Variants in SLC36A1 observed in about 807,000 individuals in gnomAD.
SLC36A1 encodes proton-coupled amino acid transporter 1.
Under a neutral mutation model 47.5 loss-of-function variants are expected in SLC36A1, and 30 were observed. The ratio of observed to expected loss-of-function variants is 0.63; its 90% CI spans 0.47 to 0.86. The LOEUF (loss-of-function observed/expected upper bound fraction) is 0.86. Among genes scored for constraint, SLC36A1 ranks in the 40% least tolerant of loss-of-function variants. The pLI, the probability that SLC36A1 is intolerant of heterozygous loss-of-function variation, is 0.00. For synonymous variants in SLC36A1, 255 were observed against 249.7 expected (o/e 1.02, Z -0.20); for missense variants, 517 against 606.0 (o/e 0.85, Z 1.54).
At chr5:151,513,497 G>GAAAT in the SLC36A1 span, among the ~76,000 whole-genome samples, 4 of 152,152 alleles carry the variant, frequency 2.6e-5, no homozygotes, top group African/African-American at 9.7e-5. Context: ...ACAGGAACAG[G>GAAAT]AAATCAAATA....
At chr5:151,431,481 T>C in the SLC36A1 span, 5 of 152,216 alleles carry the variant, frequency 3.3e-5, no homozygotes, top group African/African-American at 1.2e-4. Context: ...GGAGCAGCCA[T>C]GGTGATATGG....
At chr5:151,487,871 T>C in intron 10 of SLC36A1, 112 bp from the exon 11 acceptor site, 3 of 1,301,506 alleles carry the variant, frequency 2.3e-6, no homozygotes, top group Non-Finnish European at 3.2e-6. Context: ...CTAAGTTTTC[T>C]TAGAGCTCTC....
At chr5:151,506,374 G>A in the SLC36A1 span, among the ~76,000 whole-genome samples, 2 of 152,210 alleles carry the variant, frequency 1.3e-5, no homozygotes, top group African/African-American at 4.8e-5. Context: ...ATGTCTCCAT[G>A]CAACCCACCC....
chr5:151,469,261 T>G (rs1350474150), intron 7 of SLC36A1: 1 of 701,434 alleles, frequency 1.4e-6, no homozygotes, highest in Non-Finnish European at 2.6e-6. Flanking sequence ...GTGAATGGAT[T>G]TACAGCCCAT....
chr5:151,485,242 C>T lies in SLC36A1; in HGVS notation c.1160-2741C>T, dbSNP rs528007169. Among the ~76,000 whole-genome samples the T allele has an allele frequency of 5.3e-5, 8 of 152,178 alleles. No homozygotes were observed. The East Asian group carries it at 1.4e-3, about 26-fold the overall frequency. On this transcript the variant is annotated intron_variant, in intron 10 of 10. Coordinates refer to ENST00000243389, the MANE Select transcript of SLC36A1 (RefSeq NM_078483.4). ...TGCACACTTCTCAAAGCCTTGAGAT[C>T]GGTGAAGATGTTAATGAGAATTGCC...
the SLC36A1 span, among the ~76,000 whole-genome samples, chr5:151,508,225 A>G: frequency 6.6e-6 from 1 of 152,226 alleles, no homozygotes; most frequent in Non-Finnish European, 1.5e-5. Context: ...ATTTGAGTCC[A>G]AAACATTTCT....
At chr5:151,472,543 A>G (rs1485261040) in intron 7 of SLC36A1, among the ~76,000 whole-genome samples, 1 of 152,214 alleles carries the variant, frequency 6.6e-6, no homozygotes, top group African/African-American at 2.4e-5. Flanking sequence ...CCTGCAGTTA[A>G]CAGTTGCCCT....
chr5:151,505,406 G>A, the SLC36A1 span: 16 of 830,336 alleles, frequency 1.9e-5, no homozygotes, highest in East Asian at 2.7e-5. Flanking sequence ...CAGGGACTAG[G>A]TGGGGGATTG....
At chr5:151,469,454 G>A (rs987605483) in intron 7 of SLC36A1, among the ~76,000 whole-genome samples, 12 of 152,162 alleles carry the variant, frequency 7.9e-5, no homozygotes, top group African/African-American at 1.2e-4. Flanking sequence ...TCACAGCAAG[G>A]AGATTTGCTG....
chr5:151,479,708 T>G, intron 10 of SLC36A1: 1 of 565,968 alleles, frequency 1.8e-6, no homozygotes, highest in East Asian at 2.8e-5. Flanking sequence ...AGGACAGTGG[T>G]TTATGTATAG....
chr5:151,428,476 G>A, the SLC36A1 span, among the ~76,000 whole-genome samples: 2 of 151,358 alleles, frequency 1.3e-5, no homozygotes, highest in African/African-American at 4.9e-5. Context: ...GTGAGCTCTA[G>A]GTGTCACAGT....
chr5:151,460,606 A>T (rs1183785883), intron 2 of SLC36A1, among the ~76,000 whole-genome samples: 2 of 152,058 alleles, frequency 1.3e-5, no homozygotes, highest in African/African-American at 4.8e-5. Flanking sequence ...GTGGTACAAG[A>T]TAAAGTAATT....
chr5:151,535,636 C>T, the SLC36A1 span, among the ~76,000 whole-genome samples: 3 of 152,110 alleles, frequency 2.0e-5, no homozygotes, highest in South Asian at 4.1e-4. Flanking sequence ...GTGAGCTGTC[C>T]CAACAAATTA....
At chr5:151,522,268 A>G in the SLC36A1 span, 2 of 558,310 alleles carry the variant, frequency 3.6e-6, no homozygotes, top group African/African-American at 3.7e-5. Context: ...CAGAAAAGAA[A>G]GATTTTCTGA....
chr5:151,506,886 C>T, the SLC36A1 span, among the ~76,000 whole-genome samples: 1 of 152,198 alleles, frequency 6.6e-6, no homozygotes, highest in Non-Finnish European at 1.5e-5. Flanking sequence ...TTCTACCCAA[C>T]CCTATCCAGG....
chr5:151,543,377 G>C, the SLC36A1 span: 1 of 1,614,144 alleles, frequency 6.2e-7, no homozygotes, highest in South Asian at 1.1e-5. Context: ...GCTTTGAACT[G>C]TGGGGGGTTG....
chr5:151,551,662 C>T, the SLC36A1 span: 1 of 1,592,376 alleles, frequency 6.3e-7, no homozygotes, highest in South Asian at 1.1e-5. Flanking sequence ...GGCAGCATAG[C>T]ATAAGATAGG....
At chr5:151,511,926 C>T in the SLC36A1 span, 1 of 551,388 alleles carries the variant, frequency 1.8e-6, no homozygotes, top group Non-Finnish European at 3.2e-6. Flanking sequence ...CTGAGGTCCC[C>T]ATTCATATCC....
At chr5:151,509,475 A>G in the SLC36A1 span, 1 of 153,322 alleles carries the variant, frequency 6.5e-6, no homozygotes. Flanking sequence ...ATGGGTGAGC[A>G]AGCATTACCA....
Sources: allele counts gnomAD v4.1 joint callset (sites outside exome capture counted in the v4.1 genomes callset), GRCh38; gene constraint gnomAD v4.1.1; transcripts MANE v1.5; gene names NCBI Gene and HGNC (gene_info 2026-07-23, HGNC 2026-07-21).